Variants in SH3GL3 observed in about 807,000 individuals in gnomAD.
The protein encoded by SH3GL3 is endophilin-A3.
SH3GL3 carries 33 observed loss-of-function variants against 47.7 expected under a neutral mutation model. The ratio of observed to expected loss-of-function variants is 0.69; its 90% CI spans 0.52 to 0.92. The LOEUF (loss-of-function observed/expected upper bound fraction) is 0.92. SH3GL3 is among the 40% of genes least tolerant of loss of function. The pLI is 0.00. For synonymous variants in SH3GL3, 155 were observed against 148.8 expected, an observed-to-expected ratio of 1.04 and a Z score of -0.30; for missense variants, 363 against 417.8, an observed-to-expected ratio of 0.87 and a Z score of 1.14.
chr15:83,489,676 C>T (rs921149298), intron 1 of SH3GL3, among the ~76,000 whole-genome samples: 4 of 152,220 alleles, frequency 2.6e-5, no homozygotes, highest in Admixed American at 6.5e-5. Flanking sequence ...TCACTAACCC[C>T]TCTGGGCCTC....
intron 2 of SH3GL3, among the ~76,000 whole-genome samples, 189 bp downstream of exon 2, chr15:83,559,510 C>T (rs188854211): frequency 6.6e-6 from 1 of 152,262 alleles, no homozygotes; most frequent in East Asian, 1.9e-4. Flanking sequence ...TAGCCACATG[C>T]AGTTTGGGCA....
chr15:83,503,936 T>A lies in SH3GL3; in HGVS notation c.46-55317T>A, dbSNP rs192784223. Among the ~76,000 whole-genome samples, 456 of 152,350 alleles carry A rather than the reference T, an allele frequency of 3.0e-3. 2 individuals carry two copies. The highest frequency in any genetic ancestry group is 0.011 in the African/African-American group (440 of 41,588). On this transcript the variant is annotated intron_variant, in intron 1 of 8. Transcript: ENST00000427482. The stretch of plus-strand genomic sequence containing the variant: ...TGAATATAGTATTTTAAAATCACTA[T>A]TTTAATTGTCATTTCTTTAATTGTG...
At position 83,447,352 on chromosome 15, in the gene SH3GL3, C is replaced by T. The variant is rs1179742246; in HGVS notation, c.-182C>T. 5 of 367,408 alleles carry T rather than the reference C, an allele frequency of 1.4e-5. No homozygotes were observed. The highest frequency in any genetic ancestry group is 2.5e-5 in the Non-Finnish European group (5 of 202,678). 22.8% of individuals were successfully genotyped at this position (367,408 alleles called of 1,614,324 possible). On this transcript the variant is annotated 5_prime_UTR_variant, in exon 1 of 9. Transcript: ENST00000427482. This position sits in a 1 kb window ranked among gnomAD's most constrained non-coding sequence, Gnocchi z 5.1. ...GGGCTTTGGAACGCAGTGTTGCCAT[C>T]GGCGTGCGCGCGTGTGTGCGAGTGT...
intron 1 of SH3GL3, among the ~76,000 whole-genome samples, chr15:83,525,279 CTT>C (rs2043367902): frequency 6.6e-6 from 1 of 151,410 alleles, no homozygotes. Flanking sequence ...TTTCATATAT[CTT>C]TTAGCCACTT....
intron 1 of SH3GL3, among the ~76,000 whole-genome samples, chr15:83,497,458 T>C (rs568182729): frequency 7.4e-4 from 113 of 152,312 alleles, no homozygotes; most frequent in Non-Finnish European, 1.3e-3. Flanking sequence ...AGGGCCCTTG[T>C]CCACTAGAGG....
In SH3GL3 at chr15:83,618,324, G is replaced by A; in HGVS notation, c.*37G>A. The A allele has an allele frequency of 1.5e-6, 2 of 1,324,818 alleles. No homozygotes were observed. The highest frequency in any genetic ancestry group is 2.2e-6 in the Non-Finnish European group (2 of 916,072). The allele number at this position is 1,324,818 out of a possible 1,614,324, so 82.1% of individuals were successfully genotyped here. On this transcript the variant is annotated 3_prime_UTR_variant, in exon 9 of 9. Transcript: ENST00000427482. ...AAACTCTGGACATACTTTCGTAACT[G>A]AAATGAATTCACACCAGTGTGCTCT... is the stretch of plus-strand genomic sequence containing the variant.
At chr15:83,536,392 TTTC>T (rs753552615) in intron 1 of SH3GL3, among the ~76,000 whole-genome samples, 124 of 145,884 alleles carry the variant, frequency 8.5e-4, no homozygotes, top group Non-Finnish European at 9.9e-4. Context: ...TTCTTTTTCT[TTTC>T]TTTTCTTTTC....
intron 8 of SH3GL3, among the ~76,000 whole-genome samples, chr15:83,597,918 C>A (rs566917435): frequency 3.3e-5 from 5 of 152,246 alleles, no homozygotes; most frequent in African/African-American, 4.8e-5. Flanking sequence ...CTTAATTATG[C>A]TTTTTAAAAA....
At chr15:83,493,849 T>C (rs1354944519) in intron 1 of SH3GL3, among the ~76,000 whole-genome samples, 2 of 152,152 alleles carry the variant, frequency 1.3e-5, no homozygotes, top group African/African-American at 2.4e-5. Flanking sequence ...GCAATTCTAG[T>C]GGGATATCCA....
the SH3GL3 span, among the ~76,000 whole-genome samples, chr15:83,630,620 G>A: frequency 2.0e-5 from 3 of 152,028 alleles, no homozygotes; most frequent in African/African-American, 7.2e-5. Context: ...GAGCAAAGCA[G>A]GGAGAAACCC....
chr15:83,537,831 G>A (rs1596207928), intron 1 of SH3GL3, among the ~76,000 whole-genome samples: 1 of 152,080 alleles, frequency 6.6e-6, no homozygotes, highest in East Asian at 1.9e-4. Context: ...ATCTGTCACT[G>A]GCACCCTTTC....
At position 83,618,106 on chromosome 15, in the gene SH3GL3, C is replaced by T; in HGVS notation, c.863C>T (p.Pro288Leu). The stretch of plus-strand genomic sequence containing the variant: ...GGTTCTAACATTCCCATGGACCAGC[C>T]CTGCTGTCGTGGTCTCTATGACTTT... The part of the protein sequence containing the change: ...TTGSNIPMDQ[P>L]CCRGLYDFEP... The change falls in exon 9 of 9, where the codon CCC becomes CTC. Residue 288 changes from proline (P) to leucine (L), a missense_variant. Physicochemically the swap from Pro to Leu is moderately conservative, Grantham distance 98 (BLOSUM62 -3). Coordinates refer to ENST00000427482, the MANE Select transcript of SH3GL3 (RefSeq NM_003027.5). The T allele has an allele frequency of 6.2e-7, 1 of 1,613,354 alleles. No homozygotes were observed. Among genetic ancestry groups the T allele is most frequent in the Non-Finnish European group, 8.5e-7 (1 of 1,179,270 alleles).
chr15:83,456,552 G>A (rs1195198870), intron 1 of SH3GL3, among the ~76,000 whole-genome samples: 1 of 96,100 alleles, frequency 1.0e-5, no homozygotes, highest in Non-Finnish European at 2.1e-5. Context: ...GCAATATTCC[G>A]GTGGGAGTGA....
At chr15:83,527,148 TGTA>T (rs1027692813) in intron 1 of SH3GL3, among the ~76,000 whole-genome samples, 31 of 152,192 alleles carry the variant, frequency 2.0e-4, no homozygotes, top group African/African-American at 7.5e-4. Flanking sequence ...TTTTGTCATC[TGTA>T]AAGAGAAACA....
chr15:83,491,761 G>A lies in SH3GL3; in HGVS notation c.45+44183G>A, dbSNP rs185552179. On this transcript the variant is annotated intron_variant, in intron 1 of 8. Transcript: ENST00000427482. ...ACAGAGCCTGACTTGTTCACTTTGT[G>A]TTTGTCCAGCTTCCATGGCATGTGG... 5.1e-4 allele frequency among the ~76,000 whole-genome samples: 77 copies of A among 152,282 alleles called. 1 individual carries two copies. The highest frequency in any genetic ancestry group is 1.6e-3 in the Admixed American group (24 of 15,302).
chr15:83,459,559 A>G (rs1182371037), intron 1 of SH3GL3, among the ~76,000 whole-genome samples: 1 of 152,228 alleles, frequency 6.6e-6, no homozygotes, highest in Non-Finnish European at 1.5e-5. Context: ...AGATTTTCTC[A>G]GAATATTGAT....
At chr15:83,518,914 T>TG (rs2043097003) in intron 1 of SH3GL3, among the ~76,000 whole-genome samples, 1 of 152,202 alleles carries the variant, frequency 6.6e-6, no homozygotes, top group Non-Finnish European at 1.5e-5. Flanking sequence ...AGTTAATTTT[T>TG]GTATATGGTG....
chr15:83,447,860 C>T lies in SH3GL3; in HGVS notation c.45+282C>T, dbSNP rs2039518106. Among the ~76,000 whole-genome samples, 1 of 151,724 alleles carries T rather than the reference C, an allele frequency of 6.6e-6. No homozygotes were observed. The highest frequency in any genetic ancestry group is 2.1e-4 in the South Asian group (1 of 4,830). ...GGCAGAGGTGGCGGCCGCGGGGACTCGGGAGGCGGAGACGGAGTGGGCGTG... is the reference window on the plus strand; with the variant it reads ...GGCAGAGGTGGCGGCCGCGGGGACTTGGGAGGCGGAGACGGAGTGGGCGTG... On this transcript the variant is annotated intron_variant, in intron 1 of 8. Transcript: ENST00000427482. The surrounding 1 kb of genome is among the most constrained non-coding windows in gnomAD (Gnocchi z 5.1).
chr15:83,511,796 G>T (rs2042768029), intron 1 of SH3GL3, among the ~76,000 whole-genome samples: 1 of 152,096 alleles, frequency 6.6e-6, no homozygotes, highest in South Asian at 2.1e-4. Context: ...CTCCCAGGAA[G>T]CCACACCCTT....
Sources: allele counts gnomAD v4.1 joint callset (sites outside exome capture counted in the v4.1 genomes callset), GRCh38; gene constraint gnomAD v4.1.1; non-coding constraint Gnocchi (gnomAD v3.1); transcripts MANE v1.5; gene names NCBI Gene and HGNC (gene_info 2026-07-23, HGNC 2026-07-21).